CDYL: variants seen among roughly 807,000 people sequenced by gnomAD.
CDYL encodes the protein chromodomain Y like.
A neutral mutation model predicts 47.3 loss-of-function variants in CDYL; 8 were observed. That is an observed-to-expected ratio of 0.17 (90% CI 0.10 to 0.31). CDYL has a LOEUF of 0.31. Among genes scored for constraint, CDYL ranks in the 10% least tolerant of loss-of-function variants. The probability of loss-of-function intolerance (pLI) is 1.00; values close to 1 mark genes in which losing one functional copy is unlikely to be tolerated. For missense variants in CDYL, 471 were observed against 701.4 expected (o/e 0.67, Z 3.71); for synonymous variants, 266 against 265.0 (o/e 1.00, Z -0.04).
At chr6:4,787,278 T>C (rs940126326) in intron 1 of CDYL, among the ~76,000 whole-genome samples, 1 of 152,172 alleles carries the variant, frequency 6.6e-6, no homozygotes. Flanking sequence ...CTAGACTGAT[T>C]CGTTGTGCCC....
intron 1 of CDYL, among the ~76,000 whole-genome samples, chr6:4,883,731 G>A (rs1761825051): frequency 6.6e-6 from 1 of 152,206 alleles, no homozygotes; most frequent in African/African-American, 2.4e-5. Flanking sequence ...AGGGCTCACT[G>A]GTAATTGTAA....
chr6:4,900,626 T>C (rs554854087), intron 2 of CDYL, among the ~76,000 whole-genome samples: 1 of 151,716 alleles, frequency 6.6e-6, no homozygotes, highest in Non-Finnish European at 1.5e-5. Context: ...TGAGTACATA[T>C]TTACCTATTC....
chr6:4,770,140 AT>A (rs1011239587), intron 3 of CDYL, among the ~76,000 whole-genome samples: 16 of 149,228 alleles, frequency 1.1e-4, no homozygotes, highest in Admixed American at 6.0e-4. Flanking sequence ...CCGGGCCAAC[AT>A]TTTTTTTTTC....
intron 4 of CDYL, among the ~76,000 whole-genome samples, chr6:4,938,755 CT>C (rs1392320397): frequency 6.6e-6 from 1 of 152,102 alleles, no homozygotes; most frequent in Non-Finnish European, 1.5e-5. Context: ...TTGCAACTTG[CT>C]TTTTTCATGT....
intron 1 of CDYL, among the ~76,000 whole-genome samples, chr6:4,779,152 A>G (rs1215505559): frequency 6.6e-6 from 1 of 152,242 alleles, no homozygotes; most frequent in Non-Finnish European, 1.5e-5. Flanking sequence ...TCTGTAGGGC[A>G]GAAGTGATAC....
At chr6:4,889,169 G>A (rs577429278) in intron 1 of CDYL, among the ~76,000 whole-genome samples, 1 of 152,148 alleles carries the variant, frequency 6.6e-6, no homozygotes, top group Admixed American at 6.5e-5. Flanking sequence ...GTCTGATGCT[G>A]AGATCTCAAG....
At chr6:4,722,888 A>G (rs1757398096) in intron 2 of CDYL, among the ~76,000 whole-genome samples, 1 of 152,188 alleles carries the variant, frequency 6.6e-6, no homozygotes, top group Non-Finnish European at 1.5e-5. Context: ...AAAAAATAAA[A>G]TAAAGCCCAC....
chr6:4,814,521 T>A (rs1759616189), intron 1 of CDYL, among the ~76,000 whole-genome samples: 1 of 152,022 alleles, frequency 6.6e-6, no homozygotes, highest in Non-Finnish European at 1.5e-5. Flanking sequence ...AATTTAGTAT[T>A]TTGTTATTGT....
At chr6:4,848,833 T>C (rs1760740622) in intron 1 of CDYL, among the ~76,000 whole-genome samples, 1 of 152,264 alleles carries the variant, frequency 6.6e-6, no homozygotes, top group South Asian at 2.1e-4. Context: ...GTGGGACACC[T>C]GCTGGCCAGT....
At chr6:4,895,060 T>G (rs556790174) in intron 2 of CDYL, among the ~76,000 whole-genome samples, 1 of 130,078 alleles carries the variant, frequency 7.7e-6, no homozygotes, top group Admixed American at 8.3e-5. Flanking sequence ...CATGTACATA[T>G]GGGTATATAT....
intron 1 of CDYL, among the ~76,000 whole-genome samples, chr6:4,812,124 G>A (rs113271147): frequency 0.01 from 1,537 of 152,266 alleles, 37 homozygotes; most frequent in African/African-American, 0.035. Context: ...TTGTATACAT[G>A]TTTTCTATAG....
At chr6:4,899,708 A>G (rs1756960159) in intron 2 of CDYL, among the ~76,000 whole-genome samples, 1 of 152,216 alleles carries the variant, frequency 6.6e-6, no homozygotes, top group Non-Finnish European at 1.5e-5. Context: ...GTTGCTTCTC[A>G]GTTGCCTTTA....
intron 2 of CDYL, among the ~76,000 whole-genome samples, chr6:4,716,240 C>A (rs1235947818): frequency 3.7e-5 from 5 of 136,944 alleles, no homozygotes; most frequent in Non-Finnish European, 7.7e-5. Context: ...CAGCAAGACT[C>A]CATCTCAAAA....
chr6:4,845,539 A>C (rs977667033), intron 1 of CDYL, among the ~76,000 whole-genome samples: 1 of 152,236 alleles, frequency 6.6e-6, no homozygotes, highest in Non-Finnish European at 1.5e-5. Context: ...AGTAGTGTTT[A>C]ACCTTTTAAG....
At chr6:4,860,850 C>T (rs941844603) in intron 1 of CDYL, among the ~76,000 whole-genome samples, 2 of 151,904 alleles carry the variant, frequency 1.3e-5, no homozygotes, top group African/African-American at 4.8e-5. Flanking sequence ...CTCCTTTTCA[C>T]GTTTTTCTGC....
At chr6:4,896,417 C>G (rs752267068) in intron 2 of CDYL, among the ~76,000 whole-genome samples, 1 of 152,028 alleles carries the variant, frequency 6.6e-6, no homozygotes, top group Non-Finnish European at 1.5e-5. Flanking sequence ...GCCGTGTAGT[C>G]GGTGCTCTGC....
At chr6:4,743,049 C>A (rs1008870628) in intron 3 of CDYL, among the ~76,000 whole-genome samples, 4 of 152,238 alleles carry the variant, frequency 2.6e-5, no homozygotes, top group Non-Finnish European at 2.9e-5. Flanking sequence ...ACTTCTCACG[C>A]CCCAAGGCTC....
chr6:4,773,511 A>C (rs1758369835), upstream of CDYL, among the ~76,000 whole-genome samples: 1 of 152,234 alleles, frequency 6.6e-6, no homozygotes, highest in Non-Finnish European at 1.5e-5. This position sits in a 1 kb window ranked among gnomAD's most constrained non-coding sequence, Gnocchi z 4.6. Flanking sequence ...TGTTTATATA[A>C]AAAAGTGACG....
intron 5 of CDYL, among the ~76,000 whole-genome samples, chr6:4,950,450 A>G (rs906524955): frequency 1.3e-5 from 2 of 152,200 alleles, no homozygotes; most frequent in African/African-American, 4.8e-5. Flanking sequence ...GACAGCACAG[A>G]GCACTTCGTG....
Sources: allele counts gnomAD v4.1 joint callset (sites outside exome capture counted in the v4.1 genomes callset), GRCh38; gene constraint gnomAD v4.1.1; non-coding constraint Gnocchi (gnomAD v3.1); transcripts MANE v1.5; gene names NCBI Gene and HGNC (gene_info 2026-07-23, HGNC 2026-07-21).